The following TTC27 variants were observed in gnomAD, a reference collection of about 807,000 sequenced individuals.
The protein encoded by TTC27 is tetratricopeptide repeat domain 27.
In TTC27, 79 loss-of-function variants were observed where a neutral mutation model predicts 115.9. The ratio of observed to expected loss-of-function variants is 0.68; its 90% CI spans 0.57 to 0.82. The LOEUF (loss-of-function observed/expected upper bound fraction) is 0.82. TTC27 is among the 40% of genes least tolerant of loss of function. TTC27 has a pLI of 0.00. For missense variants in TTC27, 1,054 were observed against 993.1 expected (o/e 1.06, Z -0.82); for synonymous variants, 401 against 356.0 (o/e 1.13, Z -1.42).
chr2:32,675,740 G>C (rs1342363692), intron 8 of TTC27, among the ~76,000 whole-genome samples: 1 of 151,910 alleles, frequency 6.6e-6, no homozygotes, highest in Non-Finnish European at 1.5e-5. Context: ...TAGACATTGT[G>C]TTAGGCTGGG....
At chr2:32,706,885 A>T (rs968664795) in intron 10 of TTC27, among the ~76,000 whole-genome samples, 2 of 152,196 alleles carry the variant, frequency 1.3e-5, no homozygotes, top group African/African-American at 4.8e-5. Context: ...TTAGTAATAG[A>T]ACCTCCTGAA....
chr2:32,735,059 A>G (rs1426278193), intron 11 of TTC27, among the ~76,000 whole-genome samples: 2 of 152,186 alleles, frequency 1.3e-5, no homozygotes, highest in African/African-American at 4.8e-5. Context: ...GATCATACAC[A>G]TAGGTAGTGA....
intron 10 of TTC27, among the ~76,000 whole-genome samples, chr2:32,711,116 CA>C (rs34140897): frequency 5.8e-3 from 349 of 59,928 alleles, no homozygotes; most frequent in East Asian, 0.012. Flanking sequence ...GACTCTGTCT[CA>C]AAAAAAAAAA....
intron 10 of TTC27, among the ~76,000 whole-genome samples, chr2:32,726,386 A>G (rs1668109965): frequency 6.6e-6 from 1 of 152,170 alleles, no homozygotes; most frequent in South Asian, 2.1e-4. Context: ...AGTTTCTTCC[A>G]CCAGATACCC....
chr2:32,782,189 A>T (rs1670200690), intron 14 of TTC27, among the ~76,000 whole-genome samples: 1 of 152,204 alleles, frequency 6.6e-6, no homozygotes, highest in African/African-American at 2.4e-5. Context: ...TGGATGAAAT[A>T]CTTAGTAGTA....
intron 9 of TTC27, among the ~76,000 whole-genome samples, chr2:32,683,762 A>C (rs1666526726): frequency 6.6e-6 from 1 of 152,178 alleles, no homozygotes; most frequent in Non-Finnish European, 1.5e-5. Context: ...CCTTCAGATG[A>C]GCCACGTCAT....
chr2:32,703,787 T>C (rs373896737), intron 10 of TTC27, among the ~76,000 whole-genome samples: 1 of 152,242 alleles, frequency 6.6e-6, no homozygotes, highest in Non-Finnish European at 1.5e-5. Flanking sequence ...TTACAATAGA[T>C]GTAGGATTTC....
chr2:32,690,054 A>G (rs1184705522), intron 9 of TTC27, among the ~76,000 whole-genome samples: 1 of 152,202 alleles, frequency 6.6e-6, no homozygotes, highest in Non-Finnish European at 1.5e-5. Context: ...GGTCATCATG[A>G]GTAGGTTTTT....
chr2:32,789,710 A>G (rs938123770), intron 16 of TTC27, among the ~76,000 whole-genome samples: 1 of 152,002 alleles, frequency 6.6e-6, no homozygotes, highest in African/African-American at 2.4e-5. Context: ...ACTTGAGCCC[A>G]GGGGTTTGAG....
intron 13 of TTC27, among the ~76,000 whole-genome samples, chr2:32,760,457 G>A (rs569493020): frequency 6.7e-4 from 102 of 152,152 alleles, no homozygotes; most frequent in African/African-American, 2.2e-3. Context: ...TGGAGGCCAG[G>A]GATGCTGCTA....
chr2:32,789,964 C>A (rs1421489852), intron 16 of TTC27, among the ~76,000 whole-genome samples: 1 of 143,916 alleles, frequency 6.9e-6, no homozygotes, highest in Admixed American at 7.0e-5. Context: ...CTTTCAGGAG[C>A]CTTCCCTAAG....
chr2:32,648,436 CTTT>C (rs35446780), intron 4 of TTC27, among the ~76,000 whole-genome samples: 191 of 111,860 alleles, frequency 1.7e-3, no homozygotes, highest in African/African-American at 4.8e-3. Flanking sequence ...GGCACCCCCC[CTTT>C]TTTTTTTTTT....
intron 9 of TTC27, among the ~76,000 whole-genome samples, chr2:32,697,558 A>G (rs958244): frequency 0.34 from 51,032 of 152,098 alleles, 9,408 homozygotes; most frequent in Non-Finnish European, 0.41. Context: ...AATAGAAAAT[A>G]ACCAAAATTC....
intron 16 of TTC27, among the ~76,000 whole-genome samples, chr2:32,800,211 G>A (rs568343691): frequency 5.3e-5 from 8 of 152,266 alleles, no homozygotes; most frequent in South Asian, 2.1e-4. Context: ...TTTTTGAGAC[G>A]GAGTCTCGCC....
At chr2:32,790,666 CTCTG>C (rs1670504729) in intron 16 of TTC27, among the ~76,000 whole-genome samples, 1 of 152,092 alleles carries the variant, frequency 6.6e-6, no homozygotes, top group South Asian at 2.1e-4. Context: ...AAACTTAATC[CTCTG>C]TCTGAAACTT....
rs570049445 is a variant in TTC27, at chr2:32,641,060, A to T, written c.537+650A>T. Among the ~76,000 whole-genome samples, 18 of 152,324 alleles carry T rather than the reference A, an allele frequency of 1.2e-4. No individual in the cohort carries two copies. The South Asian group carries it at 1.2e-3, about 11-fold the overall frequency. ...TACCTCACAGTCTTTTATGAATTTC[A>T]TGTAGGATAATGAGCAGTGACCAAA... On this transcript the variant is annotated intron_variant, in intron 4 of 19. Transcript: ENST00000317907.
chr2:32,687,931 G>A (rs1043867348), intron 9 of TTC27, among the ~76,000 whole-genome samples: 1 of 152,098 alleles, frequency 6.6e-6, no homozygotes, highest in Non-Finnish European at 1.5e-5. Flanking sequence ...ATAGATAAAT[G>A]GCAACATCAG....
chr2:32,813,913 G>C (rs764946384), intron 18 of TTC27, among the ~76,000 whole-genome samples: 27 of 152,166 alleles, frequency 1.8e-4, no homozygotes, highest in Non-Finnish European at 2.9e-4. Flanking sequence ...TAGAGCCGTA[G>C]AAGGATGTTT....
chr2:32,650,212 G>C lies in TTC27; in HGVS notation c.619G>C (p.Ala207Pro). ...EERSPLLFTL[A>P]ENCIDQVMKL... ...ACGCTCACCTCTGCTTTTTACTCTT[G>C]CCGAAAACTGTATTGATCAAGGTAT... The change falls in exon 5 of 20, where the codon GCC becomes CCC. Residue 207 changes from alanine (A) to proline (P), a missense_variant. By Grantham distance (27) the Ala-to-Pro change is conservative (BLOSUM62 -1). Transcript: ENST00000317907. 6.2e-7 allele frequency: 1 copy of C among 1,613,746 alleles called. No individual in the cohort carries two copies. Among genetic ancestry groups the C allele is most frequent in the Non-Finnish European group, 8.5e-7 (1 of 1,179,852 alleles).
Sources: gnomAD v4.1 joint callset for allele counts (sites outside exome capture counted in the v4.1 genomes callset) on GRCh38, gnomAD v4.1.1 for gene constraint, MANE v1.5 for transcripts, NCBI Gene and HGNC (gene_info 2026-07-23, HGNC 2026-07-21) for gene names.